Variants in MAP2 observed in about 807,000 individuals in gnomAD.
MAP2 encodes the protein microtubule associated protein 2, also known as microtubule-associated protein 2.
A neutral mutation model predicts 137.6 loss-of-function variants in MAP2; 14 were observed. The ratio of observed to expected loss-of-function variants is 0.10; its 90% confidence interval spans 0.07 to 0.16. The LOEUF is 0.16. Ranked by LOEUF, MAP2 falls within the 10% of genes least tolerant of loss-of-function variation. The pLI, the probability that MAP2 is intolerant of heterozygous loss-of-function variation, is 1.00. For missense variants in MAP2, 2,088 were observed against 2,191.5 expected, an observed-to-expected ratio of 0.95 and a Z score of 0.94; for synonymous variants, 786 against 782.3, an observed-to-expected ratio of 1.00 and a Z score of -0.08.
At chr2:209,430,375 TTG>T (rs1693936004) in intron 1 of MAP2, among the ~76,000 whole-genome samples, 1 of 151,800 alleles carries the variant, frequency 6.6e-6, no homozygotes, top group Non-Finnish European at 1.5e-5. Context: ...GTGGTGGTAT[TTG>T]TGTGTTTGTG....
At chr2:209,597,591 T>A (rs1449079082) in intron 3 of MAP2, among the ~76,000 whole-genome samples, 1 of 152,176 alleles carries the variant, frequency 6.6e-6, no homozygotes, top group Non-Finnish European at 1.5e-5. Flanking sequence ...ATCATGATAT[T>A]TCTGTGGTTA....
At chr2:209,644,206 A>G (rs2663651) in intron 4 of MAP2, among the ~76,000 whole-genome samples, 34,280 of 152,122 alleles carry the variant, frequency 0.23, 6,362 homozygotes, top group African/African-American at 0.49. Context: ...ATTTTAAAAC[A>G]TTTTCTCCAA....
intron 2 of MAP2, among the ~76,000 whole-genome samples, chr2:209,523,091 T>C (rs957678899): frequency 1.3e-5 from 2 of 152,154 alleles, no homozygotes; most frequent in Non-Finnish European, 2.9e-5. Context: ...CTGCCATCTC[T>C]CCTCCTTTTA....
At chr2:209,498,038 A>G (rs2059957808) in intron 1 of MAP2, among the ~76,000 whole-genome samples, 1 of 152,212 alleles carries the variant, frequency 6.6e-6, no homozygotes, top group African/African-American at 2.4e-5. Context: ...ACAAAGCCTC[A>G]TTTGAAACAA....
At chr2:209,547,452 A>G (rs1484087325) in intron 2 of MAP2, among the ~76,000 whole-genome samples, 1 of 152,220 alleles carries the variant, frequency 6.6e-6, no homozygotes, top group Non-Finnish European at 1.5e-5. Flanking sequence ...ATGAGTGCCA[A>G]ATAATCAGAC....
At position 209,491,642 on chromosome 2, in the gene MAP2, G is replaced by T. The variant is rs1046675636; in HGVS notation, c.-221-15950G>T. Among the ~76,000 whole-genome samples the T allele has an allele frequency of 1.3e-5, 2 of 151,960 alleles. 1 individual carries two copies. The highest frequency in any genetic ancestry group is 2.9e-5 in the Non-Finnish European group (2 of 67,964). On this transcript the variant is annotated intron_variant, in intron 1 of 15. Transcript: ENST00000682079. ...CACTGATCCCACAGAAATACAGACT[G>T]CCATCAGAGAATACTATAAAACACC... is the stretch of plus-strand genomic sequence containing the variant.
intron 4 of MAP2, among the ~76,000 whole-genome samples, chr2:209,648,770 C>T (rs538521803): frequency 6.5e-5 from 9 of 139,366 alleles, no homozygotes; most frequent in Admixed American, 2.2e-4. Flanking sequence ...GCCTGGGTGA[C>T]GGAGCAAGAC....
At chr2:209,674,830 A>T (rs2050560769) in intron 5 of MAP2, among the ~76,000 whole-genome samples, 1 of 151,676 alleles carries the variant, frequency 6.6e-6, no homozygotes, top group Non-Finnish European at 1.5e-5. Flanking sequence ...CTTTACACAC[A>T]CTCTGACTGA....
At chr2:209,455,629 A>T (rs982535915) in intron 1 of MAP2, among the ~76,000 whole-genome samples, 4 of 152,230 alleles carry the variant, frequency 2.6e-5, no homozygotes, top group Non-Finnish European at 5.9e-5. Context: ...CAGAGCATTA[A>T]TAAAAAACAC....
intron 2 of MAP2, among the ~76,000 whole-genome samples, chr2:209,558,386 G>C (rs183094398): frequency 3.9e-5 from 6 of 151,934 alleles, no homozygotes; most frequent in Admixed American, 1.3e-4. Context: ...ACAGGGTTTC[G>C]CCATGTCGGC....
chr2:209,639,422 A>G (rs2093831033), intron 4 of MAP2, among the ~76,000 whole-genome samples: 1 of 152,058 alleles, frequency 6.6e-6, no homozygotes, highest in African/African-American at 2.4e-5. Context: ...TTTTTTGAAC[A>G]TAGAATCTAG....
chr2:209,700,188 C>T (rs1175828834), intron 10 of MAP2, 89 bp from the exon 11 acceptor site: 2 of 1,032,992 alleles, frequency 1.9e-6, no homozygotes, highest in Non-Finnish European at 3.0e-6. Flanking sequence ...AGTCTGTTGA[C>T]ACAACAGAAT....
chr2:209,595,441 T>C (rs150532675), intron 3 of MAP2, among the ~76,000 whole-genome samples: 1 of 152,280 alleles, frequency 6.6e-6, no homozygotes, highest in East Asian at 1.9e-4. Context: ...TGGTGATCAT[T>C]AAAAAGTCAG....
rs145088394 is a variant in MAP2, at chr2:209,659,944, A to G, written c.262+6512A>G. On this transcript the variant is annotated intron_variant, in intron 5 of 15. Coordinates refer to ENST00000682079, the MANE Select transcript of MAP2 (RefSeq NM_001375505.1). Reference sequence around the variant, plus strand: ...TCCCAGCTACTTAGGAGGCTGAGGTAGGAGAATGGTGTGAACCCAGGAGGC... The same window carrying G: ...TCCCAGCTACTTAGGAGGCTGAGGTGGGAGAATGGTGTGAACCCAGGAGGC... Among the ~76,000 whole-genome samples, 24 of 152,164 alleles carry G rather than the reference A, an allele frequency of 1.6e-4. No homozygotes were observed. In the East Asian group the frequency reaches 2.9e-3, roughly 18 times the overall value.
intron 1 of MAP2, among the ~76,000 whole-genome samples, chr2:209,452,910 T>TTA (rs1262572316): frequency 3.3e-5 from 5 of 152,154 alleles, no homozygotes; most frequent in African/African-American, 7.2e-5. Flanking sequence ...TATTGATCTT[T>TTA]TATATATATA....
At chr2:209,613,543 G>A (rs997269486) in intron 3 of MAP2, among the ~76,000 whole-genome samples, 3 of 152,160 alleles carry the variant, frequency 2.0e-5, no homozygotes, top group Non-Finnish European at 4.4e-5. Flanking sequence ...CAGGTTGCTG[G>A]CTTTGCAGTT....
rs1346396152 is a variant in MAP2, at chr2:209,693,156, T to C, written c.986T>C (p.Met329Thr). The change falls in exon 8 of 16, where the codon ATG becomes ACG. Residue 329 changes from methionine to threonine, a missense_variant. Coordinates refer to ENST00000682079, the MANE Select transcript of MAP2 (RefSeq NM_001375505.1). ...GGSFTLPLDV[M>T]KNEIVTETSP... is the part of the protein sequence containing the mutation. ...AGCTTCACTCTTCCTTTAGATGTCA[T>C]GAAGAATGAAATAGTTACAGAAACA... 1.2e-6 allele frequency: 2 copies of C among 1,610,550 alleles called. No homozygotes were observed. The highest frequency in any genetic ancestry group is 8.5e-7 in the Non-Finnish European group (1 of 1,178,926).
intron 4 of MAP2, among the ~76,000 whole-genome samples, chr2:209,642,370 C>T (rs781721028): frequency 4.7e-5 from 7 of 148,776 alleles, no homozygotes; most frequent in South Asian, 2.1e-4. Flanking sequence ...GAGACTGCAG[C>T]GAGCTATGAT....
At chr2:209,635,175 A>G (rs1485483261) in intron 4 of MAP2, among the ~76,000 whole-genome samples, 1 of 152,150 alleles carries the variant, frequency 6.6e-6, no homozygotes, top group Non-Finnish European at 1.5e-5. Context: ...CCAAAATGAT[A>G]ATGACTTCAA....
Sources: allele counts gnomAD v4.1 joint callset (sites outside exome capture counted in the v4.1 genomes callset), GRCh38; gene constraint gnomAD v4.1.1; transcripts MANE v1.5; gene names NCBI Gene and HGNC (gene_info 2026-07-23, HGNC 2026-07-21).